The following CLEC17A variants were observed in gnomAD, a reference collection of about 807,000 sequenced individuals.
CLEC17A encodes the protein C-type lectin domain family 17, member A.
Under a neutral mutation model 61.3 loss-of-function variants are expected in CLEC17A, and 37 were observed. The observed-to-expected ratio is 0.60, with a 90% CI of 0.46 to 0.79. The LOEUF is 0.79. Among genes scored for constraint, CLEC17A ranks in the 30% least tolerant of loss-of-function variants. The pLI, the probability that CLEC17A is intolerant of heterozygous loss-of-function variation, is 0.00. For missense variants in CLEC17A, 418 were observed against 464.7 expected (o/e 0.90, Z 0.92); for synonymous variants, 168 against 164.9 (o/e 1.02, Z -0.14).
chr19:14,610,038 C>T (rs1337075154), intron 13 of CLEC17A, 26 bp from the exon 14 acceptor site: 2 of 1,578,798 alleles, frequency 1.3e-6, no homozygotes, highest in South Asian at 1.1e-5. Context: ...ATCCCTGTCC[C>T]TCTGCCCACT....
intron 3 of CLEC17A, among the ~76,000 whole-genome samples, chr19:14,591,024 T>C (rs912894374): frequency 6.6e-6 from 1 of 151,990 alleles, no homozygotes; most frequent in Non-Finnish European, 1.5e-5. Context: ...TACTGGTTTA[T>C]TGTCTCTCTG....
At chr19:14,582,764 C>G (rs563808089), upstream of CLEC17A, among the ~76,000 whole-genome samples, 2 of 152,004 alleles carry the variant, frequency 1.3e-5, no homozygotes, top group Non-Finnish European at 2.9e-5. Flanking sequence ...CCTGCCACTG[C>G]GCCTGGCTAA....
chr19:14,603,094 A>G (rs2074764407), intron 12 of CLEC17A, among the ~76,000 whole-genome samples: 1 of 152,230 alleles, frequency 6.6e-6, no homozygotes, highest in African/African-American at 2.4e-5. Context: ...TGCAAATCAT[A>G]TTCCCTAACT....
At chr19:14,598,506 T>C (rs2074613862) in intron 10 of CLEC17A, among the ~76,000 whole-genome samples, 1 of 151,718 alleles carries the variant, frequency 6.6e-6, no homozygotes, top group African/African-American at 2.4e-5. Context: ...AGAATTTTGC[T>C]CTTGTTGCCC....
chr19:14,594,004 C>T (rs1025564730), intron 4 of CLEC17A, among the ~76,000 whole-genome samples: 14 of 141,556 alleles, frequency 9.9e-5, no homozygotes, highest in South Asian at 2.3e-4. Flanking sequence ...AAAACATGGC[C>T]GGGCACGGTG....
chr19:14,594,037 C>G (rs992910591), intron 4 of CLEC17A, among the ~76,000 whole-genome samples: 4 of 151,862 alleles, frequency 2.6e-5, no homozygotes, highest in Admixed American at 2.6e-4. Flanking sequence ...AATCCCAGCA[C>G]TTTGGGAGGC....
intron 13 of CLEC17A, among the ~76,000 whole-genome samples, chr19:14,607,370 AT>A (rs144994214): frequency 1.3e-5 from 2 of 150,588 alleles, no homozygotes; most frequent in East Asian, 2.0e-4. Context: ...TGCCCGGCTA[AT>A]TTTTTGTATT....
At chr19:14,595,237 C>A in intron 7 of CLEC17A, 37 bp from the exon 8 acceptor site, 1 of 1,611,164 alleles carries the variant, frequency 6.2e-7, no homozygotes, top group East Asian at 2.2e-5. Context: ...GAGTCTTTGG[C>A]ATCTTCTGAA....
At chr19:14,593,372 C>A (rs116843106) in intron 4 of CLEC17A, among the ~76,000 whole-genome samples, 1 of 148,862 alleles carries the variant, frequency 6.7e-6, no homozygotes. Context: ...TTGGGCCAGG[C>A]GTGGTGGCTC....
chr19:14,599,827 G>A lies in CLEC17A; in HGVS notation c.742+15G>A, dbSNP rs375994702. ...GGGCTTATTAGGTAAGTGAGACTTG[G>A]GGAATTGCCCAGGGATGGGGGGCAT... On this transcript the variant is annotated intron_variant, in intron 11 of 13. Transcript: ENST00000417570. 10 of 1,605,984 alleles carry A rather than the reference G, an allele frequency of 6.2e-6. No individual in the cohort carries two copies. In the African/African-American group the frequency reaches 1.3e-4, roughly 21 times the overall value.
chr19:14,598,404 TTCC>T (rs1318950480), intron 10 of CLEC17A, among the ~76,000 whole-genome samples: 1 of 150,946 alleles, frequency 6.6e-6, no homozygotes, highest in African/African-American at 2.4e-5. Flanking sequence ...TTCTCCTTCC[TTCC>T]TTCCTTCCTT....
chr19:14,584,496 G>C (rs2074242180), intron 2 of CLEC17A: 1 of 152,182 alleles, frequency 6.6e-6, no homozygotes, highest in South Asian at 2.1e-4. Context: ...GCCCAAAACA[G>C]AAAATCCCTG....
At position 14,611,239 on chromosome 19, in the gene CLEC17A, A is replaced by C. The variant is rs1422934619; in HGVS notation, c.*1043A>C. 6.6e-6 allele frequency: 1 copy of C among 152,262 alleles called. No homozygotes were observed. Among genetic ancestry groups the C allele is most frequent in the African/African-American group, 2.4e-5 (1 of 41,548 alleles). The allele number at this position is 152,262 out of a possible 1,614,324, so 9.4% of individuals were successfully genotyped here. ...CACTGCTTCCTTCCTGGTCTCAAAC[A>C]GCACAAATAACCCAGAAACCATCAA... On this transcript the variant is annotated 3_prime_UTR_variant, in exon 14 of 14. Coordinates refer to ENST00000417570, the MANE Select transcript of CLEC17A (RefSeq NM_001204118.2).
rs931842503 is a variant in CLEC17A, at chr19:14,593,730, G to A, written c.278-787G>A. Among the ~76,000 whole-genome samples the A allele has an allele frequency of 1.4e-4, 21 of 151,998 alleles. 1 individual carries two copies. Among genetic ancestry groups the A allele is most frequent in the Non-Finnish European group, 1.5e-4 (10 of 67,998 alleles). ...AATCCCAGCACTTTGGGAGGCTGAG[G>A]CGGGTGGATCACGAGGTCAGGAGAT... is the stretch of plus-strand genomic sequence containing the variant. On this transcript the variant is annotated intron_variant, in intron 4 of 13. Coordinates refer to ENST00000417570, the MANE Select transcript of CLEC17A (RefSeq NM_001204118.2).
chr19:14,583,088 G>C lies in CLEC17A; in HGVS notation c.-73G>C. On this transcript the variant is annotated 5_prime_UTR_variant, in exon 1 of 14. Transcript: ENST00000417570. ...AAGGGAACTGAGAGAGCCCCCAGAC[G>C]CCTGAGTCGGAGAGACAGGGGGCAG... 6.5e-7 allele frequency: 1 copy of C among 1,538,088 alleles called. No individual in the cohort carries two copies. The highest frequency in any genetic ancestry group is 1.1e-5 in the South Asian group (1 of 88,020).
upstream of CLEC17A, among the ~76,000 whole-genome samples, chr19:14,581,896 C>T (rs570158886): frequency 6.6e-6 from 1 of 152,270 alleles, no homozygotes; most frequent in South Asian, 2.1e-4. Flanking sequence ...ACGTGATCCA[C>T]CCACCTCGGC....
chr19:14,605,449 T>C (rs535552678), intron 12 of CLEC17A, among the ~76,000 whole-genome samples: 1 of 152,292 alleles, frequency 6.6e-6, no homozygotes, highest in Non-Finnish European at 1.5e-5. Flanking sequence ...GTGAGTTAGA[T>C]GTGATTTGCA....
At chr19:14,607,836 A>G (rs899521800) in intron 13 of CLEC17A, among the ~76,000 whole-genome samples, 4 of 151,582 alleles carry the variant, frequency 2.6e-5, no homozygotes, top group African/African-American at 9.7e-5. Context: ...TTGGCCTCCC[A>G]AAGTGTTGGG....
intron 2 of CLEC17A, among the ~76,000 whole-genome samples, chr19:14,586,718 C>T (rs1016379909): frequency 2.0e-5 from 3 of 152,060 alleles, no homozygotes; most frequent in Non-Finnish European, 4.4e-5. Flanking sequence ...TGAGCCATTG[C>T]GCCCAGCCTA....
Sources: allele counts gnomAD v4.1 joint callset (sites outside exome capture counted in the v4.1 genomes callset), GRCh38; gene constraint gnomAD v4.1.1; transcripts MANE v1.5; gene names NCBI Gene and HGNC (gene_info 2026-07-23, HGNC 2026-07-21).